The following RALGPS1 variants were observed in gnomAD, a reference collection of about 807,000 sequenced individuals.
RALGPS1 encodes the protein Ral GEF with PH domain and SH3 binding motif 1.
A neutral mutation model predicts 78.8 loss-of-function variants in RALGPS1; 19 were observed. The ratio of observed to expected loss-of-function variants is 0.24; its 90% confidence interval spans 0.17 to 0.35. The LOEUF (loss-of-function observed/expected upper bound fraction) is 0.35. Ranked by LOEUF, RALGPS1 falls within the 10% of genes least tolerant of loss-of-function variation. The pLI is 1.00. For missense variants in RALGPS1, 454 were observed against 688.3 expected, an observed-to-expected ratio of 0.66 and a Z score of 3.81; for synonymous variants, 228 against 256.3, an observed-to-expected ratio of 0.89 and a Z score of 1.06.
At chr9:127,210,760 C>T (rs1184850497) in intron 14 of RALGPS1, 1 of 1,550,442 alleles carries the variant, frequency 6.4e-7, no homozygotes, top group Non-Finnish European at 8.7e-7. Context: ...TCTCCCAGAA[C>T]CCGGAGCTGT....
intron 1 of RALGPS1, among the ~76,000 whole-genome samples, chr9:126,918,278 A>T (rs1216298617): frequency 2.0e-5 from 3 of 152,228 alleles, no homozygotes; most frequent in Non-Finnish European, 4.4e-5. Context: ...TCATGGTTGC[A>T]ATCGTACGTA....
chr9:127,110,016 C>T (rs1354706194), intron 8 of RALGPS1, among the ~76,000 whole-genome samples: 1 of 152,228 alleles, frequency 6.6e-6, no homozygotes. Context: ...TTCCTATAAT[C>T]ATACGGTTTT....
chr9:127,210,697 G>A, intron 14 of RALGPS1: 1 of 1,550,196 alleles, frequency 6.5e-7, no homozygotes, highest in African/African-American at 1.4e-5. Flanking sequence ...CTCTGAAGCA[G>A]GGGACGTCTC....
chr9:127,023,724 T>C (rs1388115633), intron 4 of RALGPS1, among the ~76,000 whole-genome samples: 2 of 152,164 alleles, frequency 1.3e-5, no homozygotes, highest in Admixed American at 1.3e-4. Context: ...GATTTTCACA[T>C]GATTACTCCA....
At chr9:127,214,666 C>G (rs915548927) in intron 17 of RALGPS1, 85 bp from the exon 18 acceptor site, 5 of 1,527,360 alleles carry the variant, frequency 3.3e-6, no homozygotes, top group Non-Finnish European at 4.4e-6. Flanking sequence ...TTTAGTTACC[C>G]GTGTTTACAT....
chr9:126,952,390 T>C (rs551344701), intron 1 of RALGPS1, among the ~76,000 whole-genome samples: 1 of 152,228 alleles, frequency 6.6e-6, no homozygotes, highest in Admixed American at 6.5e-5. Context: ...GCCATTCCAG[T>C]CTGACATGTG....
At position 127,120,724 on chromosome 9, in the gene RALGPS1, A is replaced by T. The variant is rs1472649089; in HGVS notation, c.611-45345A>T. 3.3e-5 allele frequency among the ~76,000 whole-genome samples: 5 copies of T among 151,782 alleles called. No homozygotes were observed. In the South Asian group the frequency reaches 1.0e-3, roughly 32 times the overall value. ...GCACCTGTAGCCCCAGCTACTCGGG[A>T]GGCTGAGGCAGGAGAATGGCGTGAA... On this transcript the variant is annotated intron_variant, in intron 8 of 18. Transcript: ENST00000259351.
chr9:126,997,601 G>A (rs1333430900), intron 4 of RALGPS1, among the ~76,000 whole-genome samples: 1 of 152,058 alleles, frequency 6.6e-6, no homozygotes, highest in Non-Finnish European at 1.5e-5. Context: ...TGCCCAAGGT[G>A]ATTTATAGAT....
At chr9:126,957,165 G>A (rs2131957407) in intron 1 of RALGPS1, among the ~76,000 whole-genome samples, 1 of 152,368 alleles carries the variant, frequency 6.6e-6, no homozygotes, top group South Asian at 2.1e-4. Context: ...TGGTGGTGGT[G>A]TGTGGAGCGG....
chr9:126,986,895 T>C (rs1025154540), intron 4 of RALGPS1, among the ~76,000 whole-genome samples: 6 of 152,182 alleles, frequency 3.9e-5, no homozygotes, highest in Admixed American at 3.9e-4. Context: ...GATTTTCTCA[T>C]GTGTAAAGTT....
At chr9:127,093,690 A>G (rs1367651086) in intron 8 of RALGPS1, 5 of 1,605,510 alleles carry the variant, frequency 3.1e-6, no homozygotes, top group Non-Finnish European at 3.4e-6. Flanking sequence ...GGGGTGGGCC[A>G]GTCACCTTGT....
intron 4 of RALGPS1, among the ~76,000 whole-genome samples, chr9:126,983,264 TA>T (rs1462693779): frequency 6.6e-6 from 1 of 151,408 alleles, no homozygotes; most frequent in Non-Finnish European, 1.5e-5. Flanking sequence ...TTCTTATTGT[TA>T]ACAATTTTGA....
rs1051049786 is a variant in RALGPS1 at position 127,196,512 on chromosome 9, C to T, written c.1076C>T (p.Ala359Val). 13 of 1,613,910 alleles carry T rather than the reference C, an allele frequency of 8.1e-6. No individual in the cohort carries two copies. The highest frequency in any genetic ancestry group is 3.3e-5 in the Admixed American group (2 of 59,982). ...TTGAGTGTAGTTGAGAGTAAAAGTG[C>T]GACATTCCCATCGGAGAAAGCAAGG... ...CQLSVVESKS[A>V]TFPSEKARHL... The change falls in exon 13 of 19, where the codon GCG becomes GTG. Residue 359 changes from alanine (A) to valine (V), a missense_variant. Physicochemically the swap from Ala to Val is moderately conservative, Grantham distance 64. Coordinates refer to ENST00000259351, the MANE Select transcript of RALGPS1 (RefSeq NM_014636.3).
chr9:127,108,657 G>A (rs761560556), intron 8 of RALGPS1: 35 of 1,613,474 alleles, frequency 2.2e-5, no homozygotes, highest in African/African-American at 2.7e-5. Context: ...CCTCAAAACC[G>A]TCCTCCTGGC....
intron 8 of RALGPS1, among the ~76,000 whole-genome samples, chr9:127,104,110 C>T (rs2136948864): frequency 6.6e-6 from 1 of 152,316 alleles, no homozygotes; most frequent in East Asian, 1.9e-4. Context: ...TCCAGTATTT[C>T]ATGGTTTTAT....
At chr9:127,107,823 G>C in intron 8 of RALGPS1, 1 of 1,340,460 alleles carries the variant, frequency 7.5e-7, no homozygotes, top group Non-Finnish European at 1.0e-6. Flanking sequence ...GCTTCAACTG[G>C]CCATGGCTTT....
chr9:127,089,261 T>A, intron 8 of RALGPS1: 1 of 992,206 alleles, frequency 1.0e-6, no homozygotes, highest in Non-Finnish European at 1.5e-6. Flanking sequence ...GCTTGAAAGG[T>A]GGACCCGTCT....
intron 1 of RALGPS1, among the ~76,000 whole-genome samples, chr9:126,960,701 T>C (rs2038829199): frequency 6.6e-6 from 1 of 152,196 alleles, no homozygotes; most frequent in Non-Finnish European, 1.5e-5. Flanking sequence ...TTTTTCGCAG[T>C]GACCTTTGGG....
intron 4 of RALGPS1, among the ~76,000 whole-genome samples, chr9:127,019,458 G>A (rs2045233345): frequency 6.6e-6 from 1 of 151,954 alleles, no homozygotes; most frequent in South Asian, 2.1e-4. Context: ...CTCCCGAGTA[G>A]CTGTGACTAC....
Sources: allele counts gnomAD v4.1 joint callset (sites outside exome capture counted in the v4.1 genomes callset), GRCh38; gene constraint gnomAD v4.1.1; transcripts MANE v1.5; gene names NCBI Gene and HGNC (gene_info 2026-07-23, HGNC 2026-07-21).